The following RHOBTB1 variants were observed in gnomAD, a reference collection of about 807,000 sequenced individuals.
RHOBTB1 encodes the protein rho-related BTB domain-containing protein 1.
A neutral mutation model predicts 71.6 loss-of-function variants in RHOBTB1; 40 were observed. That is an observed-to-expected ratio of 0.56 (90% CI 0.43 to 0.73). RHOBTB1 has a LOEUF of 0.73. RHOBTB1 is among the 30% of genes least tolerant of loss of function. RHOBTB1 has a pLI of 0.00. For synonymous variants in RHOBTB1, 319 were observed against 334.9 expected, an observed-to-expected ratio of 0.95 and a Z score of 0.52; for missense variants, 797 against 894.0, an observed-to-expected ratio of 0.89 and a Z score of 1.38.
intron 2 of RHOBTB1, among the ~76,000 whole-genome samples, chr10:60,955,095 A>C (rs1428092685): frequency 7.1e-6 from 1 of 141,556 alleles, no homozygotes; most frequent in Non-Finnish European, 1.5e-5. Context: ...CCCAGGCTGG[A>C]ATGCAGTGGT....
intron 7 of RHOBTB1, among the ~76,000 whole-genome samples, 156 bp from the exon 8 acceptor site, chr10:60,878,214 GA>G (rs2081137630): frequency 6.6e-6 from 1 of 152,194 alleles, no homozygotes; most frequent in African/African-American, 2.4e-5. Flanking sequence ...CAGTATTTAT[GA>G]CTTTAAACAT....
intron 2 of RHOBTB1, among the ~76,000 whole-genome samples, chr10:60,939,040 T>G (rs1435995052): frequency 6.6e-6 from 1 of 152,192 alleles, no homozygotes; most frequent in East Asian, 1.9e-4. Flanking sequence ...CGCTGGGAAC[T>G]TGCCATTAAC....
chr10:60,995,928 T>C (rs754480067), intron 1 of RHOBTB1, among the ~76,000 whole-genome samples: 2 of 152,156 alleles, frequency 1.3e-5, no homozygotes, highest in African/African-American at 4.8e-5. Context: ...CATATCATAG[T>C]ATTTATGCAC....
intron 2 of RHOBTB1, among the ~76,000 whole-genome samples, chr10:60,980,126 G>A (rs118182258): frequency 0.017 from 2,619 of 152,158 alleles, 39 homozygotes; most frequent in Non-Finnish European, 0.027. Context: ...AGGCAAGGGT[G>A]GAAGCAAAGT....
intron 2 of RHOBTB1, among the ~76,000 whole-genome samples, chr10:60,971,350 T>C (rs1012284353): frequency 6.6e-6 from 1 of 151,960 alleles, no homozygotes; most frequent in Non-Finnish European, 1.5e-5. Context: ...AACAGATATA[T>C]AGACCAATGG....
intron 1 of RHOBTB1, among the ~76,000 whole-genome samples, chr10:60,986,431 A>ATATATATATT (rs1554860002): frequency 7.4e-6 from 1 of 134,618 alleles, no homozygotes; most frequent in African/African-American, 2.8e-5. Flanking sequence ...ATATATATAT[A>ATATATATATT]AAATATATAT....
At chr10:60,864,776 T>C (rs2080629789), downstream of RHOBTB1, among the ~76,000 whole-genome samples, 1 of 152,122 alleles carries the variant, frequency 6.6e-6, no homozygotes, top group Non-Finnish European at 1.5e-5. Context: ...CACTGCAACC[T>C]CCGCCTCCCC....
chr10:60,973,584 A>C (rs1383463601), intron 2 of RHOBTB1, among the ~76,000 whole-genome samples: 1 of 152,094 alleles, frequency 6.6e-6, no homozygotes, highest in East Asian at 1.9e-4. Context: ...AAAAGAAACA[A>C]CACCAACAAC....
chr10:60,940,352 AAG>A (rs1321555511), intron 2 of RHOBTB1, among the ~76,000 whole-genome samples: 1 of 152,194 alleles, frequency 6.6e-6, no homozygotes, highest in Non-Finnish European at 1.5e-5. Flanking sequence ...TACGAAAAGA[AAG>A]AGGGGAGAAG....
chr10:60,952,852 A>T (rs1030453660), intron 2 of RHOBTB1, among the ~76,000 whole-genome samples: 1 of 152,160 alleles, frequency 6.6e-6, no homozygotes, highest in Admixed American at 6.5e-5. Flanking sequence ...CAACTTCAGG[A>T]TTCTCGGGGT....
At chr10:60,916,660 C>T (rs1049851416) in intron 2 of RHOBTB1, among the ~76,000 whole-genome samples, 12 of 152,178 alleles carry the variant, frequency 7.9e-5, no homozygotes, top group African/African-American at 2.2e-4. Flanking sequence ...TCTTTACAGT[C>T]GCCCTCAATT....
At position 60,925,713 on chromosome 10, in the gene RHOBTB1, T is replaced by C. The variant is rs866093128; in HGVS notation, c.-10-14161A>G. On this transcript the variant is annotated intron_variant, in intron 2 of 10. Transcript: ENST00000337910. ...GAAGACCCGAATAAATAAAATCACA[T>C]ATAAAAAAGAGATGTTACAACTGAT... Among the ~76,000 whole-genome samples, 11 of 152,094 alleles carry C rather than the reference T, an allele frequency of 7.2e-5. 1 individual carries two copies. The Middle Eastern group carries it at 0.014, about 188-fold the overall frequency.
chr10:60,966,626 T>C (rs1345465611), intron 2 of RHOBTB1, among the ~76,000 whole-genome samples: 1 of 152,128 alleles, frequency 6.6e-6, no homozygotes, highest in Non-Finnish European at 1.5e-5. Context: ...TCTATTTTGC[T>C]TCATTAATTG....
At chr10:60,868,067 T>C (rs74466061), downstream of RHOBTB1, among the ~76,000 whole-genome samples, 2,082 of 152,296 alleles carry the variant, frequency 0.014, 23 homozygotes, top group Middle Eastern at 0.048. Flanking sequence ...CTTCTTTTTT[T>C]CTTTCTTTCT....
chr10:60,879,458 C>A (rs1353811387), intron 7 of RHOBTB1, among the ~76,000 whole-genome samples: 13 of 152,060 alleles, frequency 8.5e-5, no homozygotes. Flanking sequence ...CTCCACCTCC[C>A]TAGTAGCTGG....
intron 2 of RHOBTB1, among the ~76,000 whole-genome samples, chr10:60,937,035 T>C (rs1464225277): frequency 2.0e-5 from 3 of 152,200 alleles, no homozygotes; most frequent in Non-Finnish European, 4.4e-5. Context: ...TAGTCTATTC[T>C]AGGCCACTTG....
chr10:60,892,491 C>T (rs1469448527), intron 5 of RHOBTB1, among the ~76,000 whole-genome samples: 2 of 152,160 alleles, frequency 1.3e-5, no homozygotes, highest in Admixed American at 6.5e-5. Flanking sequence ...TCAAGGATGA[C>T]ATTATTATGA....
intron 7 of RHOBTB1, among the ~76,000 whole-genome samples, chr10:60,878,973 C>T (rs899460989): frequency 2.6e-5 from 4 of 152,174 alleles, no homozygotes; most frequent in African/African-American, 9.7e-5. Flanking sequence ...AAACATTAAT[C>T]GTAATTGAAG....
intron 5 of RHOBTB1, among the ~76,000 whole-genome samples, chr10:60,889,772 G>A (rs2081822906): frequency 6.6e-6 from 1 of 152,048 alleles, no homozygotes; most frequent in South Asian, 2.1e-4. Flanking sequence ...TGTAAGACAG[G>A]AATAATAATA....
Sources: gnomAD v4.1 joint callset for allele counts (sites outside exome capture counted in the v4.1 genomes callset) on GRCh38, gnomAD v4.1.1 for gene constraint, MANE v1.5 for transcripts, NCBI Gene and HGNC (gene_info 2026-07-23, HGNC 2026-07-21) for gene names.